Variants in RYR2 observed in about 807,000 individuals in gnomAD.
RYR2 encodes the protein cardiac muscle ryanodine receptor-calcium release channel.
In RYR2, 227 loss-of-function variants were observed where a neutral mutation model predicts 601.1. That is an observed-to-expected ratio of 0.38 (90% CI 0.34 to 0.42). The LOEUF is 0.42. Among genes scored for constraint, RYR2 ranks in the 10% least tolerant of loss-of-function variants. The pLI is 1.00. For synonymous variants in RYR2, 2,223 were observed against 2,175.1 expected (o/e 1.02, Z -0.61); for missense variants, 4,646 against 6,156.5 (o/e 0.75, Z 8.21).
At chr1:237,209,796 T>C (rs1682365347) in intron 1 of RYR2, among the ~76,000 whole-genome samples, 1 of 152,078 alleles carries the variant, frequency 6.6e-6, no homozygotes, top group African/African-American at 2.4e-5. Context: ...TTTGAGGCTG[T>C]AGTGACCTAT....
intron 1 of RYR2, among the ~76,000 whole-genome samples, chr1:237,165,948 A>ATGC (rs1179074829): frequency 6.6e-6 from 1 of 152,176 alleles, no homozygotes; most frequent in Non-Finnish European, 1.5e-5. Context: ...GTGAGCTATG[A>ATGC]TGCTGCTGCT....
At chr1:237,342,154 C>G (rs549576418) in intron 3 of RYR2, among the ~76,000 whole-genome samples, 73 of 88,248 alleles carry the variant, frequency 8.3e-4, no homozygotes, top group African/African-American at 2.8e-3. Flanking sequence ...TAAATAACTT[C>G]CTTTTTTTTT....
intron 29 of RYR2, among the ~76,000 whole-genome samples, chr1:237,586,316 G>C (rs982119223): frequency 1.1e-4 from 17 of 152,224 alleles, no homozygotes; most frequent in South Asian, 6.2e-4. Context: ...ATGTATCACA[G>C]TTAATTATTC....
chr1:237,709,458 CTTTA>C lies in RYR2; in HGVS notation c.10143-15_10143-12del, dbSNP rs2149069509. On this transcript the variant is annotated intron_variant, in intron 69 of 104. Coordinates refer to ENST00000366574, the MANE Select transcript of RYR2 (RefSeq NM_001035.3). ...ACTTTAAGGAGTAGCTGAGAAACCACTTTATTTATTATGTGATCCAGGGCAAAGT... is the reference window on the plus strand; with the variant it reads ...ACTTTAAGGAGTAGCTGAGAAACCACTTTATTATGTGATCCAGGGCAAAGT... 2 of 1,518,442 alleles carry C rather than the reference CTTTA, an allele frequency of 1.3e-6. No individual in the cohort carries two copies. The highest frequency in any genetic ancestry group is 1.8e-6 in the Non-Finnish European group (2 of 1,098,536). 94.1% of individuals were successfully genotyped at this position (1,518,442 alleles called of 1,614,324 possible). A position where few individuals can be genotyped will look rare whatever the true frequency, so the allele number is the denominator to read the frequency against.
chr1:237,418,449 A>G (rs908361497), intron 11 of RYR2, among the ~76,000 whole-genome samples: 4 of 152,190 alleles, frequency 2.6e-5, no homozygotes, highest in African/African-American at 9.6e-5. Flanking sequence ...GTCCCATGCA[A>G]TGATTTTGAA....
At chr1:237,309,935 G>A (rs964681145) in intron 2 of RYR2, among the ~76,000 whole-genome samples, 15 of 152,146 alleles carry the variant, frequency 9.9e-5, no homozygotes, top group African/African-American at 2.2e-4. Context: ...GGGACCCGCC[G>A]AGCCCACGCT....
At chr1:237,442,160 G>T (rs928580184) in intron 13 of RYR2, among the ~76,000 whole-genome samples, 8 of 152,194 alleles carry the variant, frequency 5.3e-5, no homozygotes, top group African/African-American at 1.7e-4. Flanking sequence ...ATGAGCCAGG[G>T]TGAGCTGGGT....
intron 1 of RYR2, among the ~76,000 whole-genome samples, chr1:237,253,351 G>C (rs186343665): frequency 1.3e-5 from 2 of 152,274 alleles, no homozygotes; most frequent in African/African-American, 4.8e-5. Flanking sequence ...TCAGAACCTG[G>C]TTCTGATTTG....
intron 25 of RYR2, among the ~76,000 whole-genome samples, chr1:237,544,901 A>G (rs1468885917): frequency 6.6e-6 from 1 of 152,174 alleles, no homozygotes. Flanking sequence ...AATTTCATAG[A>G]TGTTCATGTT....
At chr1:237,234,109 C>A in intron 1 of RYR2, among the ~76,000 whole-genome samples, 1 of 152,082 alleles carries the variant, frequency 6.6e-6, no homozygotes, top group South Asian at 2.1e-4. Flanking sequence ...TCAGGGAACT[C>A]GCATGGAGTA....
chr1:237,487,550 T>G (rs1662825487), intron 17 of RYR2, among the ~76,000 whole-genome samples: 1 of 122,990 alleles, frequency 8.1e-6, no homozygotes, highest in Admixed American at 8.9e-5. Flanking sequence ...ACCACCCCCG[T>G]CTCTACAAAA....
intron 1 of RYR2, among the ~76,000 whole-genome samples, chr1:237,132,011 A>C (rs546278598): frequency 6.6e-6 from 1 of 152,204 alleles, no homozygotes; most frequent in Non-Finnish European, 1.5e-5. Context: ...AGCATGAGCC[A>C]CCGTGTCTGG....
chr1:237,726,130 G>A (rs536692247), intron 74 of RYR2, 143 bp from the exon 75 acceptor site: 24 of 644,480 alleles, frequency 3.7e-5, no homozygotes, highest in South Asian at 2.1e-4. Context: ...AAGTTGCCTC[G>A]TGAAAATTTC....
intron 27 of RYR2, among the ~76,000 whole-genome samples, chr1:237,566,048 C>T (rs1211315798): frequency 6.6e-6 from 1 of 152,188 alleles, no homozygotes; most frequent in Non-Finnish European, 1.5e-5. Flanking sequence ...CCATCACCAT[C>T]CTGTAGGGAA....
At chr1:237,827,838 G>A (rs1663309819) in intron 101 of RYR2, among the ~76,000 whole-genome samples, 1 of 146,070 alleles carries the variant, frequency 6.8e-6, no homozygotes, top group South Asian at 2.2e-4. Context: ...TGGGGAGGCT[G>A]AAGCAGGAGA....
At chr1:237,563,163 T>G (rs1344207656) in intron 27 of RYR2, among the ~76,000 whole-genome samples, 2 of 152,088 alleles carry the variant, frequency 1.3e-5, no homozygotes, top group Non-Finnish European at 2.9e-5. Flanking sequence ...ATCCCAGCAC[T>G]TTGGGAGGCT....
chr1:237,457,483 AGG>A (rs1298456932), intron 16 of RYR2, among the ~76,000 whole-genome samples: 4 of 152,204 alleles, frequency 2.6e-5, no homozygotes, highest in Non-Finnish European at 4.4e-5. Flanking sequence ...TAGGGTAAAG[AGG>A]GACAGTTTAG....
chr1:237,299,215 A>T (rs927996363), intron 2 of RYR2, among the ~76,000 whole-genome samples: 1 of 151,560 alleles, frequency 6.6e-6, no homozygotes, highest in African/African-American at 2.4e-5. Context: ...AATCCTTAAA[A>T]TGCTATTGCC....
chr1:237,372,133 A>G (rs1282706155), intron 6 of RYR2, among the ~76,000 whole-genome samples: 1 of 152,228 alleles, frequency 6.6e-6, no homozygotes, highest in East Asian at 1.9e-4. Flanking sequence ...TTATGTGATA[A>G]TTTGATTTTA....
Sources: allele counts gnomAD v4.1 joint callset (sites outside exome capture counted in the v4.1 genomes callset), GRCh38; gene constraint gnomAD v4.1.1; transcripts MANE v1.5; gene names NCBI Gene and HGNC (gene_info 2026-07-23, HGNC 2026-07-21).